Variants in PHKA1 observed in about 807,000 individuals in gnomAD.
The protein encoded by PHKA1 is phosphorylase b kinase regulatory subunit alpha, skeletal muscle isoform.
Under a neutral mutation model 110.2 loss-of-function variants are expected in PHKA1, and 60 were observed. That is an observed-to-expected ratio of 0.54 (90% confidence interval 0.44 to 0.68). PHKA1 has a LOEUF of 0.68. Ranked by LOEUF, PHKA1 falls within the 30% of genes least tolerant of loss-of-function variation. The pLI, the probability that PHKA1 is intolerant of heterozygous loss-of-function variation, is 0.00. For missense variants in PHKA1, 801 were observed against 942.5 expected (o/e 0.85, Z 1.97); for synonymous variants, 316 against 333.6 (o/e 0.95, Z 0.58).
intron 16 of PHKA1, among the ~76,000 whole-genome samples, chrX:72,627,713 CACTT>C (rs1378220211): frequency 3.6e-5 from 4 of 110,595 alleles, no homozygotes; most frequent in Non-Finnish European, 5.7e-5. Context: ...ACAAATGAAA[CACTT>C]ACTAAGTAAA....
chrX:72,599,762 G>C, intron 28 of PHKA1: 1 of 491,341 alleles, frequency 2.0e-6, no homozygotes. Context: ...ATTTATATAA[G>C]AGCATATTCA....
At chrX:72,655,171 G>C (rs1205832565) in intron 10 of PHKA1, among the ~76,000 whole-genome samples, 3 of 112,438 alleles carry the variant, frequency 2.7e-5, no homozygotes, top group Admixed American at 1.9e-4. Context: ...ACTTTGAGAG[G>C]CTGAGGCAGG....
rs782198191 is a variant in PHKA1, at chrX:72,619,225, G to T, written c.2218C>A (p.Gln740Lys). 7 of 1,173,642 alleles carry T rather than the reference G, an allele frequency of 6.0e-6. No homozygotes were observed. Among genetic ancestry groups the T allele is most frequent in the Non-Finnish European group, 8.1e-6 (7 of 860,949 alleles). The part of the protein sequence containing the change: ...FNLLDSPHPR[Q>K]ENQVPSVRVE... ...CTGCACAAATTTACCTGGTTCTCCTGTCGGGGATGAGGTGAATCAAGTAAG... is the reference window on the plus strand; with the variant it reads ...CTGCACAAATTTACCTGGTTCTCCTTTCGGGGATGAGGTGAATCAAGTAAG... Residue 740 changes from glutamine to lysine, a missense_variant, in exon 20 of 32, where the codon CAG becomes AAG. By Grantham distance (53) the Gln-to-Lys change is moderately conservative. This residue lies in a region of PHKA1 where 502 missense variants were observed against 519.2 expected (regional missense o/e 0.97). Transcript: ENST00000373542.
intron 3 of PHKA1, chrX:72,697,236 T>C (rs1449476904): frequency 8.9e-6 from 1 of 111,750 alleles, no homozygotes; most frequent in East Asian, 2.8e-4. Context: ...TGAAAATTCT[T>C]TTTAAATGAC....
chrX:72,618,895 C>A, intron 20 of PHKA1, 46 bp from the exon 21 acceptor site: 1 of 1,106,168 alleles, frequency 9.0e-7, no homozygotes, highest in South Asian at 1.8e-5. Flanking sequence ...CACAAGTGCT[C>A]AACTTAAATA....
chrX:72,705,081 T>C lies in PHKA1; in HGVS notation c.285+117A>G, dbSNP rs2054261804. ...CTCCAATTTTCAAAATTTTCTAAAA[T>C]TAGTGTGTACTATTTGTGAAACTGA... On this transcript the variant is annotated intron_variant, in intron 3 of 31. Transcript: ENST00000373542. The C allele has an allele frequency of 2.8e-5, 16 of 573,253 alleles. 1 individual carries two copies. In the South Asian group the frequency reaches 3.9e-4, roughly 14 times the overall value. The allele number at this position is 573,253 out of a possible 1,213,427, so 47.2% of individuals were successfully genotyped here. A position where few individuals can be genotyped will look rare whatever the true frequency, so the allele number is the denominator to read the frequency against.
At chrX:72,606,231 C>T (rs1273962001) in intron 23 of PHKA1, among the ~76,000 whole-genome samples, 1 of 111,642 alleles carries the variant, frequency 9.0e-6, no homozygotes, top group Non-Finnish European at 1.9e-5. Flanking sequence ...CTTTAACCAA[C>T]ATCTCTTCAG....
At chrX:72,584,497 C>A (rs1266450438) in intron 29 of PHKA1, among the ~76,000 whole-genome samples, 195 bp from the exon 30 acceptor site, 2 of 111,464 alleles carry the variant, frequency 1.8e-5, no homozygotes, top group African/African-American at 6.5e-5. Context: ...TGCCAAGATG[C>A]AGGATTGGAC....
At chrX:72,581,274 A>G (rs1556201500) in intron 31 of PHKA1, 99 bp from the exon 32 acceptor site, 1 of 567,822 alleles carries the variant, frequency 1.8e-6, no homozygotes, top group African/African-American at 2.2e-5. Flanking sequence ...CCTCCTCCCC[A>G]ACACCAATTA....
chrX:72,676,007 T>G, intron 6 of PHKA1, 63 bp downstream of exon 6: 1 of 837,624 alleles, frequency 1.2e-6, no homozygotes, highest in Non-Finnish European at 1.8e-6. Flanking sequence ...AAGTTTTATC[T>G]GTGACAAAGG....
At chrX:72,599,746 G>C in intron 28 of PHKA1, 1 of 461,097 alleles carries the variant, frequency 2.2e-6, no homozygotes, top group Non-Finnish European at 3.9e-6. Flanking sequence ...ACCAGTATAT[G>C]TCATGATTTA....
chrX:72,670,198 T>C (rs1569446198), intron 6 of PHKA1, among the ~76,000 whole-genome samples: 1 of 111,871 alleles, frequency 8.9e-6, no homozygotes, highest in Non-Finnish European at 1.9e-5. Context: ...TGTCTGTTCA[T>C]ATCCTTTGCC....
chrX:72,655,079 G>A (rs1452369617), intron 10 of PHKA1, among the ~76,000 whole-genome samples: 2 of 110,365 alleles, frequency 1.8e-5, no homozygotes, highest in South Asian at 3.9e-4. Flanking sequence ...TTACAGGCGT[G>A]AGCCACCGCG....
At chrX:72,582,341 T>A in intron 31 of PHKA1, 57 bp downstream of exon 31, 1 of 863,112 alleles carries the variant, frequency 1.2e-6, no homozygotes, top group Admixed American at 2.2e-5. Flanking sequence ...GACCTCTGAA[T>A]GTCATCAGGT....
intron 7 of PHKA1, 96 bp from the exon 8 acceptor site, chrX:72,666,393 G>T: frequency 1.3e-6 from 1 of 746,004 alleles, no homozygotes. Context: ...TTTTGAATAT[G>T]TTTGACAAAA....
At chrX:72,605,216 C>G (rs992871842) in intron 25 of PHKA1, 55 bp downstream of exon 25, 17 of 1,082,354 alleles carry the variant, frequency 1.6e-5, no homozygotes, top group Non-Finnish European at 2.2e-5. Flanking sequence ...ATTCCAAACT[C>G]TATAAACTTA....
At chrX:72,670,580 T>A (rs1179686110) in intron 6 of PHKA1, among the ~76,000 whole-genome samples, 1 of 111,843 alleles carries the variant, frequency 8.9e-6, no homozygotes, top group Admixed American at 9.5e-5. Flanking sequence ...CCCTAACTCA[T>A]TTTATGAGGC....
At chrX:72,704,800 AG>A (rs2054256606) in intron 3 of PHKA1, among the ~76,000 whole-genome samples, 2 of 111,737 alleles carry the variant, frequency 1.8e-5, no homozygotes, top group African/African-American at 6.5e-5. Flanking sequence ...CATGTTGCCC[AG>A]GCTGGTCTCG....
chrX:72,669,068 C>T (rs1230664797), intron 6 of PHKA1, among the ~76,000 whole-genome samples: 1 of 112,505 alleles, frequency 8.9e-6, no homozygotes, highest in Non-Finnish European at 1.9e-5. Context: ...GATTGGGTCT[C>T]TAAGGCCTCA....
Sources: gnomAD v4.1 joint callset for allele counts (sites outside exome capture counted in the v4.1 genomes callset) on GRCh38, gnomAD v4.1.1 for gene constraint, gnomAD v4.1.1 regional missense constraint, MANE v1.5 for transcripts, NCBI Gene and HGNC (gene_info 2026-07-23, HGNC 2026-07-21) for gene names.